The following SAMSN1 variants were observed in gnomAD, a reference collection of about 807,000 sequenced individuals.
SAMSN1 encodes the protein SAM domain, SH3 domain and nuclear localization signals 1.
SAMSN1 carries 31 observed loss-of-function variants against 42.0 expected under a neutral mutation model. The observed-to-expected ratio is 0.74, with a 90% CI of 0.55 to 1.00. The LOEUF is 1.00. Among genes scored for constraint, SAMSN1 ranks in the 50% least tolerant of loss-of-function variants. The pLI, the probability that SAMSN1 is intolerant of heterozygous loss-of-function variation, is 0.00. For missense variants in SAMSN1, 464 were observed against 439.4 expected (o/e 1.06, Z -0.50); for synonymous variants, 178 against 151.9 (o/e 1.17, Z -1.26).
At chr21:14,494,013 C>T (rs903593407) in intron 7 of SAMSN1, among the ~76,000 whole-genome samples, 1 of 152,182 alleles carries the variant, frequency 6.6e-6, no homozygotes, top group Non-Finnish European at 1.5e-5. Flanking sequence ...GACCTAGATA[C>T]CATCTCACAC....
chr21:14,571,396 G>C (rs1398916684), intron 2 of SAMSN1, among the ~76,000 whole-genome samples: 3 of 152,150 alleles, frequency 2.0e-5, no homozygotes, highest in African/African-American at 7.2e-5. Context: ...CTGCAATAAA[G>C]CCATATTTCT....
At chr21:14,631,410 T>C (rs1350871722) in intron 2 of SAMSN1, among the ~76,000 whole-genome samples, 1 of 152,190 alleles carries the variant, frequency 6.6e-6, no homozygotes, top group Non-Finnish European at 1.5e-5. Context: ...TTTGTTTGTT[T>C]GTTTGTTTTT....
chr21:14,632,314 G>T (rs976500001), intron 2 of SAMSN1, among the ~76,000 whole-genome samples: 1 of 151,992 alleles, frequency 6.6e-6, no homozygotes, highest in Admixed American at 6.6e-5. Flanking sequence ...TCTATAACCT[G>T]TAGTATATTC....
intron 2 of SAMSN1, among the ~76,000 whole-genome samples, chr21:14,641,810 T>G (rs1983604737): frequency 6.6e-6 from 1 of 152,172 alleles, no homozygotes; most frequent in African/African-American, 2.4e-5. Flanking sequence ...AGTTGACCCT[T>G]TAACAACATG....
intron 5 of SAMSN1, among the ~76,000 whole-genome samples, chr21:14,608,504 C>T (rs1466374279): frequency 6.6e-6 from 1 of 152,200 alleles, no homozygotes; most frequent in African/African-American, 2.4e-5. Flanking sequence ...GTCCAGACAA[C>T]AGGGCCTGAA....
At position 14,517,059 on chromosome 21, in the gene SAMSN1, A is replaced by G. The variant is rs749733876; in HGVS notation, c.130-18T>C. 1 of 1,584,010 alleles carries G rather than the reference A, an allele frequency of 6.3e-7. No homozygotes were observed. The highest frequency in any genetic ancestry group is 1.2e-5 in the South Asian group (1 of 86,482). The stretch of plus-strand genomic sequence containing the variant: ...TCATGTGCCTAGTTTAGAATTGTTT[A>G]CAAAAGACAAAATAATAAAGCAATA... On this transcript the variant is annotated intron_variant, in intron 2 of 7. Transcript: ENST00000400566.
At chr21:14,492,529 C>T (rs1986736024) in intron 7 of SAMSN1, among the ~76,000 whole-genome samples, 1 of 152,044 alleles carries the variant, frequency 6.6e-6, no homozygotes. Context: ...CTTGTTTGGC[C>T]AGGGTAATCA....
chr21:14,506,516 G>A (rs931318975), intron 5 of SAMSN1, among the ~76,000 whole-genome samples: 61 of 152,076 alleles, frequency 4.0e-4, no homozygotes, highest in African/African-American at 1.4e-3. Flanking sequence ...ACCCGGAATA[G>A]ACCAATAACA....
At chr21:14,612,284 A>C (rs576939912) in intron 4 of SAMSN1, among the ~76,000 whole-genome samples, 4 of 152,314 alleles carry the variant, frequency 2.6e-5, no homozygotes, top group African/African-American at 9.6e-5. Flanking sequence ...GATGTTTCAC[A>C]TTGTGAATGT....
Position 14,485,939 on chromosome 21 carries a change from C to A in SAMSN1, c.1095G>T (p.Lys365Asn), listed in dbSNP as rs183316476. 1 of 1,613,588 alleles carries A rather than the reference C, an allele frequency of 6.2e-7. No homozygotes were observed. Among genetic ancestry groups the A allele is most frequent in the East Asian group, 2.2e-5 (1 of 44,850 alleles). Residue 365 changes from lysine to asparagine, a missense_variant, in exon 8 of 8, where the codon AAG (lysine) becomes AAT (asparagine). Coordinates refer to ENST00000400566, the MANE Select transcript of SAMSN1 (RefSeq NM_022136.5). Reference sequence around the variant, plus strand: ...AGTCACTTGGCTCTGTGATAATAATCTTATGTACCATGTCAGACAGATTTT... The same window carrying A: ...AGTCACTTGGCTCTGTGATAATAATATTATGTACCATGTCAGACAGATTTT... ...ESENLSDMVHKIIITEPSD is the reference protein window; with the variant it reads ...ESENLSDMVHNIIITEPSD
At chr21:14,602,176 T>C in intron 5 of SAMSN1, 1 of 436,086 alleles carries the variant, frequency 2.3e-6, no homozygotes, top group Non-Finnish European at 4.3e-6. Flanking sequence ...AATTTAACAC[T>C]CATGTTTTTA....
chr21:14,603,453 A>G (rs571617078), intron 5 of SAMSN1, among the ~76,000 whole-genome samples: 2 of 152,368 alleles, frequency 1.3e-5, no homozygotes, highest in South Asian at 4.1e-4. Context: ...GGAAGAGACA[A>G]GGCCAGAATG....
intron 3 of SAMSN1, chr21:14,615,863 C>CAAAAAAAAAAAAAAAAAAAA (rs34255188): frequency 8.8e-6 from 1 of 113,358 alleles, no homozygotes. Context: ...ATGACAGCTG[C>CAAAAAAAAAAAAAAAAAAAA]AAAAAAAAAA....
chr21:14,544,141 C>T (rs920063834), intron 1 of SAMSN1, among the ~76,000 whole-genome samples: 1 of 152,212 alleles, frequency 6.6e-6, no homozygotes, highest in Admixed American at 6.5e-5. Flanking sequence ...CCTTCAATCT[C>T]CTGGTCTCAA....
intron 6 of SAMSN1, 94 bp from the exon 7 acceptor site, chr21:14,498,686 G>T: frequency 3.1e-6 from 3 of 953,104 alleles, no homozygotes; most frequent in South Asian, 2.0e-5. Context: ...GATGCACATG[G>T]GGACCAAAGG....
chr21:14,531,308 G>A (rs1327659944), intron 1 of SAMSN1, among the ~76,000 whole-genome samples: 1 of 151,956 alleles, frequency 6.6e-6, no homozygotes, highest in Admixed American at 6.6e-5. Flanking sequence ...TTTATCATAT[G>A]TATTTTGTAT....
chr21:14,590,396 G>A (rs183075967), intron 7 of SAMSN1, among the ~76,000 whole-genome samples: 1 of 152,054 alleles, frequency 6.6e-6, no homozygotes, highest in Admixed American at 6.6e-5. Flanking sequence ...TCCCATCTTA[G>A]CCTCCCAAAG....
At chr21:14,644,853 G>C (rs1014772043) in intron 1 of SAMSN1, among the ~76,000 whole-genome samples, 1 of 152,016 alleles carries the variant, frequency 6.6e-6, no homozygotes, top group Non-Finnish European at 1.5e-5. Flanking sequence ...AGAGACCTTG[G>C]GCCTTAAGAG....
intron 7 of SAMSN1, among the ~76,000 whole-genome samples, chr21:14,491,522 G>T (rs970154772): frequency 6.6e-6 from 1 of 152,258 alleles, no homozygotes; most frequent in South Asian, 2.1e-4. Flanking sequence ...GAGGCAGAGG[G>T]AAATCTGTAC....
Sources: gnomAD v4.1 joint callset for allele counts (sites outside exome capture counted in the v4.1 genomes callset) on GRCh38, gnomAD v4.1.1 for gene constraint, MANE v1.5 for transcripts, NCBI Gene and HGNC (gene_info 2026-07-23, HGNC 2026-07-21) for gene names.